Variants in JARID2 observed in about 807,000 individuals in gnomAD.
The protein encoded by JARID2 is protein Jumonji.
Under a neutral mutation model 125.6 loss-of-function variants are expected in JARID2, and 21 were observed. The observed-to-expected ratio is 0.17, with a 90% CI of 0.12 to 0.24. The LOEUF is 0.24. Among genes scored for constraint, JARID2 ranks in the 10% least tolerant of loss-of-function variants. The pLI is 1.00. For synonymous variants in JARID2, 736 were observed against 661.6 expected (o/e 1.11, Z -1.73); for missense variants, 1,303 against 1,639.6 (o/e 0.79, Z 3.55).
chr6:15,475,368 T>G (rs1769289107), intron 5 of JARID2, among the ~76,000 whole-genome samples: 1 of 152,190 alleles, frequency 6.6e-6, no homozygotes, highest in South Asian at 2.1e-4. Flanking sequence ...TTTCTGAACC[T>G]GAAGAAGGCC....
At chr6:15,289,627 TG>T (rs1761132198) in intron 1 of JARID2, among the ~76,000 whole-genome samples, 1 of 151,176 alleles carries the variant, frequency 6.6e-6, no homozygotes, top group South Asian at 2.1e-4. Context: ...GAGGATGAGG[TG>T]GGTCACTTGA....
At chr6:15,324,684 G>C (rs1356901830) in intron 1 of JARID2, among the ~76,000 whole-genome samples, 1 of 146,878 alleles carries the variant, frequency 6.8e-6, no homozygotes, top group Non-Finnish European at 1.5e-5. Flanking sequence ...TTGTAGCCTT[G>C]CTTTATTTTC....
rs1019738276 is a variant in JARID2, at chr6:15,487,359, C to G, written c.723C>G (p.His241Gln). ...GGGAGAAGGAACCTGTTCAAAAACA[C>G]AAAAGCAAAGAGGCCACTCCCGCAA... Reference protein sequence around the residue: ...STREKEPVQKHKSKEATPAKE... With the variant: ...STREKEPVQKQKSKEATPAKE... Residue 241 changes from histidine to glutamine, a missense_variant, in exon 6 of 18, where the codon CAC becomes CAG. His to Gln is a conservative substitution (Grantham distance 24, BLOSUM62 0). Around this residue, in one of 11 missense-constraint regions of JARID2, gnomAD observed 651 missense variants for 581.6 expected, o/e 1.12. Coordinates refer to ENST00000341776, the MANE Select transcript of JARID2 (RefSeq NM_004973.4). 4 of 1,614,194 alleles carry G rather than the reference C, an allele frequency of 2.5e-6. No individual in the cohort carries two copies. Among genetic ancestry groups the G allele is most frequent in the Non-Finnish European group, 3.4e-6 (4 of 1,180,032 alleles).
intron 11 of JARID2, among the ~76,000 whole-genome samples, chr6:15,507,809 G>C (rs1209147685): frequency 2.0e-5 from 3 of 152,210 alleles, no homozygotes; most frequent in African/African-American, 7.2e-5. Context: ...AAAGCCAAGG[G>C]GTCATGGAGG....
chr6:15,358,973 C>T (rs1015639930), intron 1 of JARID2, among the ~76,000 whole-genome samples: 6 of 152,180 alleles, frequency 3.9e-5, no homozygotes, highest in African/African-American at 1.2e-4. Flanking sequence ...GTTTCCAGGG[C>T]GGCCATGCCT....
intron 1 of JARID2, among the ~76,000 whole-genome samples, chr6:15,370,927 A>G (rs1179687161): frequency 6.6e-6 from 1 of 152,230 alleles, no homozygotes; most frequent in African/African-American, 2.4e-5. Context: ...AACAGCACTG[A>G]GTCAACTCAT....
At chr6:15,328,094 T>G (rs1228781213) in intron 1 of JARID2, among the ~76,000 whole-genome samples, 1 of 152,030 alleles carries the variant, frequency 6.6e-6, no homozygotes, top group African/African-American at 2.4e-5. Context: ...AATGGAAGAC[T>G]CTCCTCTGTG....
chr6:15,520,328 G>T lies in JARID2; in HGVS notation c.*77G>T. 8.0e-6 allele frequency: 9 copies of T among 1,121,142 alleles called. No individual in the cohort carries two copies. The highest frequency in any genetic ancestry group is 1.1e-5 in the Non-Finnish European group (9 of 816,308). 69.4% of individuals were successfully genotyped at this position (1,121,142 alleles called of 1,614,324 possible). A position where few individuals can be genotyped will look rare whatever the true frequency, so the allele number is the denominator to read the frequency against. ...TTCTAGTTTGGAGTACTTGCTGTAG[G>T]ATTCAAGCTGTCTTTGCACTAGCTC... On this transcript the variant is annotated 3_prime_UTR_variant, in exon 18 of 18. Transcript: ENST00000341776.
chr6:15,440,979 T>C (rs570780497), intron 3 of JARID2, among the ~76,000 whole-genome samples: 3 of 152,340 alleles, frequency 2.0e-5, no homozygotes, highest in East Asian at 1.9e-4. Context: ...CCCCATACTT[T>C]GAAAATCACA....
At chr6:15,433,444 G>GTGTGTT (rs1767057182) in intron 3 of JARID2, among the ~76,000 whole-genome samples, 1 of 141,444 alleles carries the variant, frequency 7.1e-6, no homozygotes, top group Non-Finnish European at 1.6e-5. Context: ...GTGTGTGTGT[G>GTGTGTT]TGTGTGTATA....
intron 4 of JARID2, among the ~76,000 whole-genome samples, chr6:15,463,887 T>G (rs1217958003): frequency 6.6e-6 from 1 of 152,220 alleles, no homozygotes; most frequent in Admixed American, 6.5e-5. Flanking sequence ...ACTTGAGGGG[T>G]TTGAAATATC....
intron 4 of JARID2, among the ~76,000 whole-genome samples, chr6:15,464,890 G>A (rs1009165981): frequency 1.3e-5 from 2 of 152,128 alleles, no homozygotes; most frequent in Non-Finnish European, 2.9e-5. Flanking sequence ...GTCCCCATAT[G>A]TAGAAGAAAT....
chr6:15,305,989 T>C (rs1761807243), intron 1 of JARID2, among the ~76,000 whole-genome samples: 2 of 152,226 alleles, frequency 1.3e-5, no homozygotes, highest in African/African-American at 2.4e-5. Context: ...GTTTTTAAAA[T>C]GCAGAGACAA....
intron 1 of JARID2, among the ~76,000 whole-genome samples, chr6:15,249,959 C>T (rs1413645544): frequency 6.6e-6 from 1 of 152,150 alleles, no homozygotes; most frequent in African/African-American, 2.4e-5. Context: ...TATTTTCTGC[C>T]GTTTCCATCA....
chr6:15,281,175 C>T (rs144912178), intron 1 of JARID2, among the ~76,000 whole-genome samples: 5 of 152,250 alleles, frequency 3.3e-5, no homozygotes, highest in African/African-American at 9.6e-5. Context: ...GATGCAGCTT[C>T]CAGTCAGTGC....
chr6:15,452,706 C>T (rs560324818), intron 4 of JARID2, among the ~76,000 whole-genome samples: 4 of 152,308 alleles, frequency 2.6e-5, no homozygotes, highest in East Asian at 1.9e-4. Flanking sequence ...TGTTTCAACT[C>T]GGACCAGTTA....
chr6:15,506,512 A>G (rs1474562748), intron 9 of JARID2, among the ~76,000 whole-genome samples: 1 of 152,194 alleles, frequency 6.6e-6, no homozygotes, highest in African/African-American at 2.4e-5. Flanking sequence ...ATGTGGTTCC[A>G]GCTTTACCAA....
chr6:15,446,521 C>T (rs1314317180), intron 3 of JARID2, among the ~76,000 whole-genome samples: 1 of 152,202 alleles, frequency 6.6e-6, no homozygotes, highest in Non-Finnish European at 1.5e-5. Context: ...AAGAGTATTC[C>T]AGATGGAAGG....
chr6:15,278,740 G>A (rs370449018), intron 1 of JARID2, among the ~76,000 whole-genome samples: 3 of 152,112 alleles, frequency 2.0e-5, no homozygotes, highest in Non-Finnish European at 2.9e-5. Context: ...TACCTGCTGC[G>A]AGAGGAATTG....
Sources: allele counts gnomAD v4.1 joint callset (sites outside exome capture counted in the v4.1 genomes callset), GRCh38; gene constraint gnomAD v4.1.1; regional missense constraint gnomAD v4.1.1; transcripts MANE v1.5; gene names NCBI Gene and HGNC (gene_info 2026-07-23, HGNC 2026-07-21).